IGSF9B: variants seen among roughly 807,000 people sequenced by gnomAD.
IGSF9B encodes the protein immunoglobulin superfamily member 9B.
In IGSF9B, 48 loss-of-function variants were observed where a neutral mutation model predicts 143.7. The ratio of observed to expected loss-of-function variants is 0.33; its 90% confidence interval spans 0.26 to 0.42. IGSF9B has a LOEUF of 0.42. Ranked by LOEUF, IGSF9B falls within the 20% of genes least tolerant of loss-of-function variation. The pLI is 1.00. For synonymous variants in IGSF9B, 903 were observed against 833.1 expected, an observed-to-expected ratio of 1.08 and a Z score of -1.44; for missense variants, 1,706 against 1,980.0, an observed-to-expected ratio of 0.86 and a Z score of 2.63.
intron 1 of IGSF9B, among the ~76,000 whole-genome samples, chr11:133,952,657 T>C (rs540828017): frequency 4.6e-5 from 7 of 151,800 alleles, no homozygotes; most frequent in Admixed American, 2.0e-4. Context: ...TGCACACACA[T>C]ACAGGTGTGC....
At chr11:133,927,207 G>A in intron 12 of IGSF9B, 116 bp from the exon 13 acceptor site, 1 of 818,692 alleles carries the variant, frequency 1.2e-6, no homozygotes. Flanking sequence ...GGCGTTCCTA[G>A]GTTCAAGGGC....
chr11:133,956,584 GGGAGCTGGGGAACCGGGGGGCCAA>G, intron 1 of IGSF9B, 83 bp downstream of exon 1: 4 of 725,076 alleles, frequency 5.5e-6, no homozygotes, highest in Non-Finnish European at 9.0e-6. Context: ...AGGCGCGCCG[GGGAGCTGGGGAACCGGGGGGCCAA>G]GGAGCCGGGA....
rs555047567 is a variant in IGSF9B, at chr11:133,913,059, C to T, written c.3984-1052G>A. Among the ~76,000 whole-genome samples the T allele has an allele frequency of 2.2e-4, 33 of 152,286 alleles. 1 individual carries two copies. In the South Asian group the frequency reaches 6.2e-3, roughly 29 times the overall value. On this transcript the variant is annotated intron_variant, in intron 18 of 19. Coordinates refer to ENST00000533871, the MANE Select transcript of IGSF9B (RefSeq NM_001277285.4). This position sits in a 1 kb window ranked among gnomAD's most constrained non-coding sequence, Gnocchi z 4.6. Reference sequence around the variant, plus strand: ...CATTTCTTCTCAAAGTAACCCAACTCGGAGCCTGAGGAATGAAGGGGAAAG... The same window carrying T: ...CATTTCTTCTCAAAGTAACCCAACTTGGAGCCTGAGGAATGAAGGGGAAAG...
Position 133,920,494 on chromosome 11 carries a change from G to A in IGSF9B, c.3231C>T (p.Pro1077=), listed in dbSNP as rs1437828599. 2 of 1,583,908 alleles carry A rather than the reference G, an allele frequency of 1.3e-6. No homozygotes were observed. The highest frequency in any genetic ancestry group is 1.2e-5 in the South Asian group (1 of 86,174). The part of the protein sequence containing the change: ...PESLQPKAGL[P]RGLPPTSLQV... The stretch of plus-strand genomic sequence containing the variant: ...GCAGGGAGGTGGGGGGCAGTCCTCG[G>A]GGGAGGCCGGCCTTGGGCTGCAGAC... Residue 1077 remains proline (P), a synonymous_variant, in exon 18 of 20, where the codon CCC becomes CCT. Transcript: ENST00000533871.
At position 133,900,096 on chromosome 11, in the gene IGSF9B, CT is replaced by C. The variant is rs1939093714; in HGVS notation, c.*8972del. On this transcript the variant is annotated 3_prime_UTR_variant, in exon 20 of 20. Transcript: ENST00000533871. ...GTAAGGATCAAGAGTTAGACTCAAG[CT>C]TTACCCCAACCTACTCTTCCCATAA... 1 of 114,870 alleles carries C rather than the reference CT, an allele frequency of 8.7e-6. No individual in the cohort carries two copies. Among genetic ancestry groups the C allele is most frequent in the Non-Finnish European group, 2.1e-5 (1 of 46,814 alleles). The allele number at this position is 114,870 out of a possible 1,614,324, so 7.1% of individuals were successfully genotyped here.
At chr11:133,929,370 G>C (rs1345841350) in intron 12 of IGSF9B, among the ~76,000 whole-genome samples, 1 of 152,246 alleles carries the variant, frequency 6.6e-6, no homozygotes, top group Non-Finnish European at 1.5e-5. Context: ...CCAGGCTCCA[G>C]AGGAATCCAG....
In IGSF9B at chr11:133,922,702, C is replaced by G; in HGVS notation, c.2148G>C (p.Glu716Asp). 1.3e-6 allele frequency: 2 copies of G among 1,583,100 alleles called. No individual in the cohort carries two copies. The highest frequency in any genetic ancestry group is 8.6e-7 in the Non-Finnish European group (1 of 1,165,948). Residue 716 changes from glutamate (E) to aspartate (D), a missense_variant, in exon 16 of 20, where the codon GAG (glutamate) becomes GAC (aspartate). Transcript: ENST00000533871. ...CCAGCACAGGCCGCGCCAGCCCATC[C>G]TCGGTCAGGTCCGGCTGCGGGAAGA... is the stretch of plus-strand genomic sequence containing the variant. Reference protein sequence around the residue: ...TDIFPQPDLTEDGLARPVLAG... With the variant: ...TDIFPQPDLTDDGLARPVLAG...
chr11:133,909,427 C>T lies in IGSF9B; in HGVS notation c.4106-150G>A. 1 of 677,232 alleles carries T rather than the reference C, an allele frequency of 1.5e-6. No individual in the cohort carries two copies. Among genetic ancestry groups the T allele is most frequent in the Non-Finnish European group, 2.5e-6 (1 of 402,308 alleles). The allele number at this position is 677,232 out of a possible 1,614,324, so 42.0% of individuals were successfully genotyped here. A position where few individuals can be genotyped will look rare whatever the true frequency, so the allele number is the denominator to read the frequency against. Reference sequence around the variant, plus strand: ...AGTCTAGAGAGACCAGACCGAATTGCTGCAGAGAAACCACCTTCTTTTCCG... The same window carrying T: ...AGTCTAGAGAGACCAGACCGAATTGTTGCAGAGAAACCACCTTCTTTTCCG... On this transcript the variant is annotated intron_variant, in intron 19 of 19. Coordinates refer to ENST00000533871, the MANE Select transcript of IGSF9B (RefSeq NM_001277285.4). This position sits in a 1 kb window ranked among gnomAD's most constrained non-coding sequence, Gnocchi z 4.2.
chr11:133,925,722 A>AAGAGC lies in IGSF9B; in HGVS notation c.2034+12_2034+16dup, dbSNP rs1445285064. 1 of 1,604,616 alleles carries AAGAGC rather than the reference A, an allele frequency of 6.2e-7. No homozygotes were observed. The highest frequency in any genetic ancestry group is 1.1e-5 in the South Asian group (1 of 90,152). ...CCGGATTTGGGAAGCAGCAGCAAGG[A>AAGAGC]AGAGCAAAGCCCTCACCTGTGACAG... On this transcript the variant is annotated intron_variant, in intron 14 of 19. Coordinates refer to ENST00000533871, the MANE Select transcript of IGSF9B (RefSeq NM_001277285.4).
rs1940207263 is a variant in IGSF9B, at chr11:133,953,881, C to T, written c.64+2810G>A. ...CACTCCAGCCCCTCTCTTCTCCACACTTCCCCAACCTGTCCACTGACCTTA... is the reference window on the plus strand; with the variant it reads ...CACTCCAGCCCCTCTCTTCTCCACATTTCCCCAACCTGTCCACTGACCTTA... On this transcript the variant is annotated intron_variant, in intron 1 of 19. Coordinates refer to ENST00000533871, the MANE Select transcript of IGSF9B (RefSeq NM_001277285.4). The surrounding 1 kb of genome is among the most constrained non-coding windows in gnomAD (Gnocchi z 4.2). Among the ~76,000 whole-genome samples, 1 of 152,296 alleles carries T rather than the reference C, an allele frequency of 6.6e-6. No individual in the cohort carries two copies. The highest frequency in any genetic ancestry group is 2.4e-5 in the African/African-American group (1 of 41,560).
At position 133,931,322 on chromosome 11, in the gene IGSF9B, G is replaced by T; in HGVS notation, c.1368+131C>A. 1.2e-6 allele frequency: 1 copy of T among 856,644 alleles called. No homozygotes were observed. The highest frequency in any genetic ancestry group is 1.8e-6 in the Non-Finnish European group (1 of 547,374). The allele number at this position is 856,644 out of a possible 1,614,324, so 53.1% of individuals were successfully genotyped here. On this transcript the variant is annotated intron_variant, in intron 10 of 19. Coordinates refer to ENST00000533871, the MANE Select transcript of IGSF9B (RefSeq NM_001277285.4). The surrounding 1 kb of genome is among the most constrained non-coding windows in gnomAD (Gnocchi z 7.7). ...GCCTGGTCAGGGCAGGTCCAGAATAGAACTGCTCGCTGGGCCCTCACACCT... is the reference window on the plus strand; with the variant it reads ...GCCTGGTCAGGGCAGGTCCAGAATATAACTGCTCGCTGGGCCCTCACACCT...
intron 3 of IGSF9B, among the ~76,000 whole-genome samples, chr11:133,941,618 G>A (rs1939956790): frequency 6.6e-6 from 1 of 152,194 alleles, no homozygotes; most frequent in South Asian, 2.1e-4. Context: ...AGAAGGGTTG[G>A]TTCTGTTCTG....
intron 18 of IGSF9B, 144 bp downstream of exon 18, chr11:133,919,598 C>T (rs1939469244): frequency 1.8e-6 from 1 of 561,040 alleles, no homozygotes; most frequent in Admixed American, 3.9e-5. Context: ...CCGCGGCGGC[C>T]AGAACTCCTC....
chr11:133,920,982 G>A lies in IGSF9B; in HGVS notation c.2743C>T (p.Leu915=), dbSNP rs1939521575. The A allele has an allele frequency of 1.2e-6, 2 of 1,611,098 alleles. No individual in the cohort carries two copies. Among genetic ancestry groups the A allele is most frequent in the African/African-American group, 2.7e-5 (2 of 75,008 alleles). ...VAALKSQLTP[L]SSSQESYLPP... The stretch of plus-strand genomic sequence containing the variant: ...AGGTAGGACTCCTGGCTGGATGACA[G>A]AGGGGTGAGCTGGGACTTCAGGGCG... Residue 915 remains leucine (L), a synonymous_variant, in exon 18 of 20, where the codon CTG becomes TTG. Coordinates refer to ENST00000533871, the MANE Select transcript of IGSF9B (RefSeq NM_001277285.4).
At chr11:133,910,768 C>A (rs1356454041) in intron 19 of IGSF9B, among the ~76,000 whole-genome samples, 2 of 152,182 alleles carry the variant, frequency 1.3e-5, no homozygotes, top group Non-Finnish European at 2.9e-5. Context: ...AGAGACAATG[C>A]AGGTCTCTGA....
In IGSF9B at chr11:133,948,426, T is replaced by C. The variant is rs1940098131; in HGVS notation, c.65-2168A>G. Among the ~76,000 whole-genome samples, 1 of 151,994 alleles carries C rather than the reference T, an allele frequency of 6.6e-6. No individual in the cohort carries two copies. The highest frequency in any genetic ancestry group is 1.5e-5 in the Non-Finnish European group (1 of 67,992). On this transcript the variant is annotated intron_variant, in intron 1 of 19. Coordinates refer to ENST00000533871, the MANE Select transcript of IGSF9B (RefSeq NM_001277285.4). This position sits in a 1 kb window ranked among gnomAD's most constrained non-coding sequence, Gnocchi z 4.7. ...TTCCCAATTTCCCCCACCCCCAACC[T>C]TGCTTCAGGCTAAGTTTGCAACCCA... is the stretch of plus-strand genomic sequence containing the variant.
rs560118524 is a variant in IGSF9B, at chr11:133,928,016, C to T, written c.1632-925G>A. Among the ~76,000 whole-genome samples, 5 of 152,296 alleles carry T rather than the reference C, an allele frequency of 3.3e-5. No individual in the cohort carries two copies. Among genetic ancestry groups the T allele is most frequent in the South Asian group, 2.1e-4 (1 of 4,828 alleles). On this transcript the variant is annotated intron_variant, in intron 12 of 19. Transcript: ENST00000533871. This position sits in a 1 kb window ranked among gnomAD's most constrained non-coding sequence, Gnocchi z 4.7. ...AAGGAGACCTCCCCAACCTCGGCCC[C>T]GCCCTTCCCTGGCCCAGGCAACAAA...
rs148310255 is a variant in IGSF9B, at chr11:133,951,566, G to C, written c.64+5125C>G. ...CTATTAGCAACCTTAATTTGCTCTC[G>C]GCTAGATTGTATTTCCAAGAGTCCT... On this transcript the variant is annotated intron_variant, in intron 1 of 19. Coordinates refer to ENST00000533871, the MANE Select transcript of IGSF9B (RefSeq NM_001277285.4). 2.2e-4 allele frequency among the ~76,000 whole-genome samples: 34 copies of C among 152,304 alleles called. No individual in the cohort carries two copies. In the Middle Eastern group the frequency reaches 0.02, roughly 91 times the overall value.
Position 133,931,673 on chromosome 11 carries a change from A to G in IGSF9B, c.1233T>C (p.Pro411=), listed in dbSNP as rs1457149561. The change falls in exon 9 of 20, where the codon CCT becomes CCC. Residue 411 remains proline (P), a synonymous_variant. Coordinates refer to ENST00000533871, the MANE Select transcript of IGSF9B (RefSeq NM_001277285.4). This position sits in a 1 kb window ranked among gnomAD's most constrained non-coding sequence, Gnocchi z 7.7. ...NTLGTMGQSA[P]ARLVLKDPPY... ...ACCTCACCTTCAGGACAAGCCTCGC[A>G]GGGGCAGACTGGCCCATGGTCCCCA... 5 of 1,610,284 alleles carry G rather than the reference A, an allele frequency of 3.1e-6. No individual in the cohort carries two copies. Among genetic ancestry groups the G allele is most frequent in the Admixed American group, 1.7e-5 (1 of 59,396 alleles).
Sources: allele counts gnomAD v4.1 joint callset (sites outside exome capture counted in the v4.1 genomes callset), GRCh38; gene constraint gnomAD v4.1.1; non-coding constraint Gnocchi (gnomAD v3.1); transcripts MANE v1.5; gene names NCBI Gene and HGNC (gene_info 2026-07-23, HGNC 2026-07-21).